Variants in ILRUN observed in about 807,000 individuals in gnomAD.
ILRUN encodes protein ILRUN.
Under a neutral mutation model 33.8 loss-of-function variants are expected in ILRUN, and 3 were observed. The ratio of observed to expected loss-of-function variants is 0.09; its 90% confidence interval spans 0.04 to 0.23. The LOEUF is 0.23. ILRUN is among the 10% of genes least tolerant of loss of function. The probability of loss-of-function intolerance (pLI) is 1.00; values close to 1 mark genes in which losing one functional copy is unlikely to be tolerated. For missense variants in ILRUN, 210 were observed against 375.1 expected (o/e 0.56, Z 3.64); for synonymous variants, 124 against 138.9 (o/e 0.89, Z 0.75).
chr6:34,604,175 A>G (rs968303859), intron 4 of ILRUN, among the ~76,000 whole-genome samples: 1 of 152,226 alleles, frequency 6.6e-6, no homozygotes, highest in African/African-American at 2.4e-5. Flanking sequence ...ATTAGATAAC[A>G]TATTAATACT....
intron 1 of ILRUN, among the ~76,000 whole-genome samples, chr6:34,693,834 T>C (rs557796018): frequency 5.5e-4 from 84 of 152,046 alleles, no homozygotes; most frequent in African/African-American, 2.0e-3. Context: ...TTAATTTTTT[T>C]TTTTGAGACA....
chr6:34,683,609 G>A (rs889713604), intron 1 of ILRUN, among the ~76,000 whole-genome samples: 3 of 150,412 alleles, frequency 2.0e-5, no homozygotes, highest in African/African-American at 7.3e-5. Flanking sequence ...GAAATTGTTA[G>A]CAGTGGCTAT....
intron 3 of ILRUN, among the ~76,000 whole-genome samples, chr6:34,632,076 T>C (rs1762257429): frequency 1.3e-5 from 2 of 152,222 alleles, no homozygotes; most frequent in East Asian, 1.9e-4. Flanking sequence ...CACAATACCA[T>C]ATTTAAACAA....
intron 3 of ILRUN, among the ~76,000 whole-genome samples, chr6:34,636,306 C>CT (rs1273448777): frequency 2.0e-5 from 3 of 152,024 alleles, no homozygotes; most frequent in Non-Finnish European, 2.9e-5. Flanking sequence ...TCACAACATT[C>CT]TTTCTCGGGG....
intron 1 of ILRUN, among the ~76,000 whole-genome samples, chr6:34,677,920 G>C (rs969329249): frequency 3.5e-5 from 5 of 144,006 alleles, no homozygotes; most frequent in African/African-American, 5.3e-5. Flanking sequence ...CTGCACTCTA[G>C]CGTGAGTGAC....
intron 4 of ILRUN, among the ~76,000 whole-genome samples, chr6:34,602,825 T>C (rs564354853): frequency 7.9e-5 from 12 of 152,300 alleles, no homozygotes; most frequent in African/African-American, 1.7e-4. Context: ...CTTTGCGTTG[T>C]GGGATGCAGC....
chr6:34,600,055 A>G (rs1761476670), intron 4 of ILRUN, among the ~76,000 whole-genome samples: 1 of 152,234 alleles, frequency 6.6e-6, no homozygotes, highest in Non-Finnish European at 1.5e-5. Flanking sequence ...GGATGACGGC[A>G]TTAACTTCCC....
rs377239876 is a variant in ILRUN at position 34,652,188 on chromosome 6, TA to T, written c.313+2436del. Among the ~76,000 whole-genome samples, 473 of 152,330 alleles carry T rather than the reference TA, an allele frequency of 3.1e-3. 7 individuals carry two copies. Among genetic ancestry groups the T allele is most frequent in the East Asian group, 0.022 (112 of 5,184 alleles). ...TTATAAAATGAAGAAACTGTCTTGATATTTTTTTAAAAGCAGGCAAAATCAA... is the reference window on the plus strand; with the variant it reads ...TTATAAAATGAAGAAACTGTCTTGATTTTTTTTAAAAGCAGGCAAAATCAA... On this transcript the variant is annotated intron_variant, in intron 2 of 4. Coordinates refer to ENST00000374023, the MANE Select transcript of ILRUN (RefSeq NM_024294.4).
chr6:34,673,839 A>ACC (rs1763168531), intron 1 of ILRUN, among the ~76,000 whole-genome samples: 1 of 148,966 alleles, frequency 6.7e-6, no homozygotes, highest in Admixed American at 6.7e-5. Flanking sequence ...ACATACACAC[A>ACC]CACACACACA....
Position 34,588,459 on chromosome 6 carries a change from A to G in ILRUN, c.*2106T>C. The G allele has an allele frequency of 2.6e-6, 1 of 378,656 alleles. No homozygotes were observed. Among genetic ancestry groups the G allele is most frequent in the Non-Finnish European group, 4.7e-6 (1 of 213,620 alleles). The allele number at this position is 378,656 out of a possible 1,614,324, so 23.5% of individuals were successfully genotyped here. On this transcript the variant is annotated 3_prime_UTR_variant, in exon 5 of 5. Transcript: ENST00000374023. The stretch of plus-strand genomic sequence containing the variant: ...AGGGACAGTGGAGATGTGCTGCTTC[A>G]AGGCTACTAAGCAGTAAGAACAGCT...
intron 3 of ILRUN, among the ~76,000 whole-genome samples, chr6:34,641,964 A>G (rs1183628922): frequency 6.6e-6 from 1 of 152,206 alleles, no homozygotes; most frequent in East Asian, 1.9e-4. Flanking sequence ...AGCTTATTAT[A>G]ACAAATCTGA....
intron 1 of ILRUN, among the ~76,000 whole-genome samples, chr6:34,680,927 A>AT (rs1226746663): frequency 1.3e-5 from 2 of 152,074 alleles, no homozygotes; most frequent in Non-Finnish European, 2.9e-5. Flanking sequence ...TGTTTATGTC[A>AT]TAAAAAAATA....
intron 1 of ILRUN, among the ~76,000 whole-genome samples, chr6:34,658,776 C>T (rs1464490408): frequency 6.6e-6 from 1 of 152,056 alleles, no homozygotes; most frequent in Non-Finnish European, 1.5e-5. Context: ...CCACTGCACT[C>T]CAGCCTGGGC....
At chr6:34,620,082 G>A (rs1239107299) in intron 3 of ILRUN, among the ~76,000 whole-genome samples, 2 of 151,714 alleles carry the variant, frequency 1.3e-5, no homozygotes, top group African/African-American at 4.8e-5. Context: ...GCTAGTGTTT[G>A]CTAAAAGAAA....
At chr6:34,659,265 G>T (rs568828196) in intron 1 of ILRUN, among the ~76,000 whole-genome samples, 2 of 152,172 alleles carry the variant, frequency 1.3e-5, no homozygotes, top group South Asian at 4.1e-4. Context: ...AAGTTAACCC[G>T]AACTGGAGAA....
chr6:34,590,217 A>G lies in ILRUN; in HGVS notation c.*348T>C. 5.7e-6 allele frequency: 1 copy of G among 173,988 alleles called. No homozygotes were observed. Among genetic ancestry groups the G allele is most frequent in the East Asian group, 1.5e-4 (1 of 6,840 alleles). The allele number at this position is 173,988 out of a possible 1,614,324, so 10.8% of individuals were successfully genotyped here. A position where few individuals can be genotyped will look rare whatever the true frequency, so the allele number is the denominator to read the frequency against. On this transcript the variant is annotated 3_prime_UTR_variant, in exon 5 of 5. Transcript: ENST00000374023. ...AAACTACAACCTTTCTGTAGGCAAAATAATTTTTGTTTAAAAAGATGGCTT... is the reference window on the plus strand; with the variant it reads ...AAACTACAACCTTTCTGTAGGCAAAGTAATTTTTGTTTAAAAAGATGGCTT...
At chr6:34,647,755 G>T (rs9469837) in intron 2 of ILRUN, among the ~76,000 whole-genome samples, 25,503 of 152,144 alleles carry the variant, frequency 0.17, 2,926 homozygotes, top group African/African-American at 0.32. Flanking sequence ...ACAAGAGATG[G>T]GGTTTCACTA....
chr6:34,602,497 G>C (rs748928980), intron 4 of ILRUN, among the ~76,000 whole-genome samples: 14 of 152,314 alleles, frequency 9.2e-5, no homozygotes, highest in Non-Finnish European at 1.6e-4. Context: ...TGGCCCCCCA[G>C]AGATGAGTCA....
chr6:34,671,352 C>A (rs1763114688), intron 1 of ILRUN, among the ~76,000 whole-genome samples: 1 of 152,188 alleles, frequency 6.6e-6, no homozygotes, highest in South Asian at 2.1e-4. Flanking sequence ...CGCCGCTGCG[C>A]TCAAGCCTGG....
Sources: allele counts gnomAD v4.1 joint callset (sites outside exome capture counted in the v4.1 genomes callset), GRCh38; gene constraint gnomAD v4.1.1; transcripts MANE v1.5; gene names NCBI Gene and HGNC (gene_info 2026-07-23, HGNC 2026-07-21).